The following PRPSAP1 variants were observed in gnomAD, a reference collection of about 807,000 sequenced individuals.
The protein encoded by PRPSAP1 is phosphoribosyl pyrophosphate synthetase associated protein 1.
PRPSAP1 carries 31 observed loss-of-function variants against 39.4 expected under a neutral mutation model. That is an observed-to-expected ratio of 0.79 (90% CI 0.59 to 1.06). PRPSAP1 has a LOEUF of 1.06. Among genes scored for constraint, PRPSAP1 ranks in the 50% least tolerant of loss-of-function variants. The probability of loss-of-function intolerance (pLI) is 0.00; values close to 1 mark genes in which losing one functional copy is unlikely to be tolerated. For missense variants in PRPSAP1, 430 were observed against 511.6 expected (o/e 0.84, Z 1.54); for synonymous variants, 212 against 192.6 (o/e 1.10, Z -0.83).
intron 5 of PRPSAP1, 173 bp from the exon 6 acceptor site, chr17:76,330,271 A>G: frequency 1.6e-6 from 1 of 617,148 alleles, no homozygotes. Flanking sequence ...CACTGGAAAA[A>G]GCACTCCTAC....
intron 1 of PRPSAP1, among the ~76,000 whole-genome samples, chr17:76,349,124 A>G (rs2071541286): frequency 6.6e-6 from 1 of 152,014 alleles, no homozygotes; most frequent in Non-Finnish European, 1.5e-5. Context: ...CAGCCTGACC[A>G]ACATGGAGAA....
At chr17:76,320,317 A>AAGGGAAGAAGGGAGGGAGGG (rs2071178267) in intron 7 of PRPSAP1, among the ~76,000 whole-genome samples, 1 of 127,500 alleles carries the variant, frequency 7.8e-6, no homozygotes, top group Non-Finnish European at 1.6e-5. Flanking sequence ...GGAAGGGAGG[A>AAGGGAAGAAGGGAGGGAGGG]AGGGAAGAAG....
intron 7 of PRPSAP1, among the ~76,000 whole-genome samples, chr17:76,318,023 C>T (rs1031546966): frequency 5.9e-5 from 9 of 152,204 alleles, no homozygotes; most frequent in African/African-American, 1.7e-4. Flanking sequence ...TGCTAAGCAG[C>T]ATCCTGGCCT....
At chr17:76,314,241 C>T (rs1210449959) in intron 7 of PRPSAP1, 6 of 229,688 alleles carry the variant, frequency 2.6e-5, no homozygotes, top group South Asian at 4.4e-5. Flanking sequence ...TTTTTTGAGA[C>T]GGAGTTTTGC....
intron 1 of PRPSAP1, among the ~76,000 whole-genome samples, chr17:76,350,307 A>C (rs1448991256): frequency 1.3e-5 from 2 of 151,092 alleles, no homozygotes; most frequent in African/African-American, 4.9e-5. Flanking sequence ...GGCGTGGTGG[A>C]GGGCGCCTGT....
At chr17:76,352,931 T>A (rs1482965857) in intron 1 of PRPSAP1, 1 of 151,902 alleles carries the variant, frequency 6.6e-6, no homozygotes, top group Non-Finnish European at 1.5e-5. Flanking sequence ...CTTGGTTGGG[T>A]TAAAGACACA....
intron 3 of PRPSAP1, among the ~76,000 whole-genome samples, chr17:76,337,619 A>G (rs1412717232): frequency 6.6e-6 from 1 of 152,150 alleles, no homozygotes; most frequent in Non-Finnish European, 1.5e-5. Flanking sequence ...TGTTGTTTTG[A>G]GACTGAGTCA....
At chr17:76,342,923 C>CA (rs1359971789) in intron 3 of PRPSAP1, among the ~76,000 whole-genome samples, 1 of 151,484 alleles carries the variant, frequency 6.6e-6, no homozygotes, top group Non-Finnish European at 1.5e-5. Context: ...ACTAAAAATA[C>CA]AAAAAAATTA....
chr17:76,313,100 T>G, intron 8 of PRPSAP1, 84 bp from the exon 9 acceptor site: 1 of 1,444,290 alleles, frequency 6.9e-7, no homozygotes, highest in Non-Finnish European at 9.3e-7. Flanking sequence ...TACTCTCTTC[T>G]GCACTCAGTT....
rs1024402463 is a variant in PRPSAP1, at chr17:76,328,717, A to G, written c.781T>C (p.Leu261=). The G allele has an allele frequency of 3.7e-6, 6 of 1,612,542 alleles. No homozygotes were observed. Among genetic ancestry groups the G allele is most frequent in the African/African-American group, 2.7e-5 (2 of 74,852 alleles). The part of the protein sequence containing the change: ...ATVHPGLELP[L]MMAKEKPPIT... ...AATAAAAACACAGAGCTCATCTTAC[A>G]TGGCAACTCCAGGCCTGGGTGCACA... The change falls in exon 7 of 10, where the codon TTG becomes CTG. Residue 261 remains leucine (L), a splice_region_variant and synonymous_variant. Transcript: ENST00000446526.
intron 7 of PRPSAP1, among the ~76,000 whole-genome samples, chr17:76,328,145 G>C (rs1392030422): frequency 1.3e-5 from 2 of 148,572 alleles, no homozygotes; most frequent in Non-Finnish European, 3.0e-5. Context: ...AGTGAGCCAT[G>C]ACTGTGCCAC....
intron 3 of PRPSAP1, among the ~76,000 whole-genome samples, chr17:76,338,055 G>A (rs965114059): frequency 1.3e-5 from 2 of 151,942 alleles, no homozygotes; most frequent in African/African-American, 4.8e-5. Flanking sequence ...TCTGAGTATC[G>A]CACAGTTCAA....
chr17:76,347,532 G>C (rs116937448), intron 2 of PRPSAP1, among the ~76,000 whole-genome samples: 3,193 of 149,840 alleles, frequency 0.021, 31 homozygotes, highest in Admixed American at 0.027. Context: ...CAGAGTGAGG[G>C]GAAAGAGAGA....
intron 7 of PRPSAP1, among the ~76,000 whole-genome samples, chr17:76,326,729 A>G (rs1323897672): frequency 1.3e-5 from 2 of 152,230 alleles, no homozygotes; most frequent in Non-Finnish European, 2.9e-5. Context: ...AAACAAGTTT[A>G]TTCTTTTGCT....
chr17:76,319,788 C>A (rs988385240), intron 7 of PRPSAP1, among the ~76,000 whole-genome samples: 1 of 152,062 alleles, frequency 6.6e-6, no homozygotes, highest in Admixed American at 6.6e-5. Context: ...TACCATTCTC[C>A]ACTAAAGGTA....
intron 3 of PRPSAP1, among the ~76,000 whole-genome samples, chr17:76,334,487 G>A (rs933841462): frequency 1.3e-5 from 2 of 152,184 alleles, no homozygotes; most frequent in African/African-American, 4.8e-5. Context: ...CTAAGGCAGA[G>A]TGCATTTGGG....
chr17:76,318,232 G>A (rs934341194), intron 7 of PRPSAP1, among the ~76,000 whole-genome samples: 30 of 152,100 alleles, frequency 2.0e-4, no homozygotes, highest in African/African-American at 6.8e-4. Context: ...GGTGGATCAC[G>A]AGGTCAGGAG....
intron 2 of PRPSAP1, among the ~76,000 whole-genome samples, chr17:76,348,229 T>A (rs1420398756): frequency 6.6e-6 from 1 of 151,912 alleles, no homozygotes; most frequent in Non-Finnish European, 1.5e-5. Context: ...TCCTAGCACT[T>A]TGGGAGGCCG....
At position 76,311,102 on chromosome 17, in the gene PRPSAP1, T is replaced by G. The variant is rs937078804; in HGVS notation, c.*440A>C. ...AAAAATACGATTCTCTATAAAAGACTTGAAGTTGATTTGGGAGAGGCCAAC... is the reference window on the plus strand; with the variant it reads ...AAAAATACGATTCTCTATAAAAGACGTGAAGTTGATTTGGGAGAGGCCAAC... On this transcript the variant is annotated 3_prime_UTR_variant, in exon 10 of 10. Transcript: ENST00000446526. The G allele has an allele frequency of 6.5e-6, 1 of 153,120 alleles. No homozygotes were observed. Among genetic ancestry groups the G allele is most frequent in the Non-Finnish European group, 1.5e-5 (1 of 68,766 alleles). The allele number at this position is 153,120 out of a possible 1,614,324, so 9.5% of individuals were successfully genotyped here. A position where few individuals can be genotyped will look rare whatever the true frequency, so the allele number is the denominator to read the frequency against.
Sources: gnomAD v4.1 joint callset for allele counts (sites outside exome capture counted in the v4.1 genomes callset) on GRCh38, gnomAD v4.1.1 for gene constraint, MANE v1.5 for transcripts, NCBI Gene and HGNC (gene_info 2026-07-23, HGNC 2026-07-21) for gene names.